The following SLC7A8 variants were observed in gnomAD, a reference collection of about 807,000 sequenced individuals.
SLC7A8 encodes the protein solute carrier family 7 member 8.
SLC7A8 carries 30 observed loss-of-function variants against 51.2 expected under a neutral mutation model. The ratio of observed to expected loss-of-function variants is 0.59; its 90% CI spans 0.44 to 0.80. SLC7A8 has a LOEUF of 0.80. SLC7A8 is among the 30% of genes least tolerant of loss of function. The pLI, the probability that SLC7A8 is intolerant of heterozygous loss-of-function variation, is 0.00. For missense variants in SLC7A8, 612 were observed against 674.4 expected (o/e 0.91, Z 1.03); for synonymous variants, 257 against 275.8 (o/e 0.93, Z 0.67).
intron 3 of SLC7A8, among the ~76,000 whole-genome samples, chr14:23,156,718 G>A (rs1267875593): frequency 6.6e-6 from 1 of 152,208 alleles, no homozygotes; most frequent in African/African-American, 2.4e-5. Context: ...CACACCTGGT[G>A]GAAGCTGAAC....
rs937728799 is a variant in SLC7A8, at chr14:23,126,788, A to G, written c.*389T>C. ...AATTGCTTGAGCCTGTCCCCCCACAATGCAGCTCCTGTGGCCTCTCCTCTC... is the reference window on the plus strand; with the variant it reads ...AATTGCTTGAGCCTGTCCCCCCACAGTGCAGCTCCTGTGGCCTCTCCTCTC... On this transcript the variant is annotated 3_prime_UTR_variant, in exon 11 of 11. Transcript: ENST00000316902. 5.4e-5 allele frequency: 14 copies of G among 257,062 alleles called. No individual in the cohort carries two copies. Among genetic ancestry groups the G allele is most frequent in the Non-Finnish European group, 1.1e-4 (14 of 130,226 alleles). 15.9% of individuals were successfully genotyped at this position (257,062 alleles called of 1,614,324 possible).
chr14:23,137,823 C>A, intron 7 of SLC7A8, 98 bp downstream of exon 7: 1 of 1,483,198 alleles, frequency 6.7e-7, no homozygotes, highest in Non-Finnish European at 9.1e-7. Context: ...CAGATGCCCA[C>A]ACAGACCCCT....
chr14:23,136,106 CT>C (rs143420749), intron 7 of SLC7A8, among the ~76,000 whole-genome samples: 10,467 of 152,192 alleles, frequency 0.069, 1,219 homozygotes, highest in African/African-American at 0.24. Flanking sequence ...TAGTCATTTA[CT>C]TTGTAATTTG....
intron 1 of SLC7A8, among the ~76,000 whole-genome samples, chr14:23,177,032 G>A (rs1439397364): frequency 6.6e-6 from 1 of 151,794 alleles, no homozygotes; most frequent in African/African-American, 2.4e-5. Context: ...TAGTGGTCTA[G>A]TAGCTAGATC....
chr14:23,149,929 G>C (rs2048831816), intron 3 of SLC7A8, among the ~76,000 whole-genome samples: 1 of 152,116 alleles, frequency 6.6e-6, no homozygotes, highest in Non-Finnish European at 1.5e-5. Context: ...GCAGCAACAG[G>C]TTACACCATG....
Position 23,128,500 on chromosome 14 carries a change from G to T in SLC7A8, c.1264-304C>A. 1.3e-6 allele frequency: 1 copy of T among 744,546 alleles called. No homozygotes were observed. Among genetic ancestry groups the T allele is most frequent in the Non-Finnish European group, 2.1e-6 (1 of 485,280 alleles). 46.1% of individuals were successfully genotyped at this position (744,546 alleles called of 1,614,324 possible). ...GACAAGGCCTCATCATGCATGCCAT[G>T]TGCCCGTGGCAGCCAGAGAAGCCCA... is the stretch of plus-strand genomic sequence containing the variant. On this transcript the variant is annotated intron_variant, in intron 9 of 10. Transcript: ENST00000316902. This position sits in a 1 kb window ranked among gnomAD's most constrained non-coding sequence, Gnocchi z 4.3.
At chr14:23,134,558 T>C (rs1465752801) in intron 7 of SLC7A8, among the ~76,000 whole-genome samples, 3 of 151,962 alleles carry the variant, frequency 2.0e-5, no homozygotes, top group African/African-American at 7.3e-5. Flanking sequence ...ATTAAACTTT[T>C]TATTTTTCCA....
Position 23,134,550 on chromosome 14 carries a change from T to C in SLC7A8, c.1017-2993A>G, listed in dbSNP as rs148405518. ...ATAAAGATTTTTTAACTTAAAAAAT[T>C]AAACTTTTTATTTTTCCAATTTTTA... On this transcript the variant is annotated intron_variant, in intron 7 of 10. Transcript: ENST00000316902. Among the ~76,000 whole-genome samples the C allele has an allele frequency of 1.0e-3, 158 of 151,742 alleles. 2 individuals carry two copies. The highest frequency in any genetic ancestry group is 3.4e-3 in the African/African-American group (140 of 41,384).
intron 5 of SLC7A8, among the ~76,000 whole-genome samples, chr14:23,140,152 G>C (rs1282087442): frequency 6.6e-6 from 1 of 152,116 alleles, no homozygotes; most frequent in African/African-American, 2.4e-5. Context: ...ACCAAGACCG[G>C]CCTGTCCTGA....
chr14:23,132,114 C>G (rs2048641861), intron 7 of SLC7A8, among the ~76,000 whole-genome samples: 1 of 147,104 alleles, frequency 6.8e-6, no homozygotes. Flanking sequence ...AAGCAATTCT[C>G]TGCCTCAGCC....
intron 3 of SLC7A8, chr14:23,155,063 C>G: frequency 1.1e-6 from 1 of 911,946 alleles, no homozygotes. Context: ...ATCCCAGCTT[C>G]TATAAAGTGC....
intron 3 of SLC7A8, among the ~76,000 whole-genome samples, chr14:23,163,357 C>T (rs1232469246): frequency 1.3e-5 from 2 of 152,192 alleles, no homozygotes; most frequent in Admixed American, 6.5e-5. Flanking sequence ...GAGATGCAGG[C>T]GCAGGCAGCC....
At chr14:23,155,670 G>T (rs550815784) in intron 3 of SLC7A8, among the ~76,000 whole-genome samples, 117 of 152,068 alleles carry the variant, frequency 7.7e-4, no homozygotes, top group Admixed American at 1.3e-3. Context: ...TTCAGCCTGG[G>T]CCTGAAAAAT....
At chr14:23,154,998 C>CAAAAA (rs33973055) in intron 3 of SLC7A8, among the ~76,000 whole-genome samples, 312 of 88,568 alleles carry the variant, frequency 3.5e-3, no homozygotes, top group East Asian at 8.3e-3. Flanking sequence ...ACACAACAGA[C>CAAAAA]AAAAAAAAAA....
intron 1 of SLC7A8, among the ~76,000 whole-genome samples, chr14:23,173,790 GCCACC>G (rs1308477776): frequency 2.0e-5 from 3 of 151,426 alleles, no homozygotes; most frequent in Non-Finnish European, 4.4e-5. Context: ...ACAGGCGTGT[GCCACC>G]CCACCCGACT....
At chr14:23,177,763 T>C (rs1293023131) in intron 1 of SLC7A8, among the ~76,000 whole-genome samples, 1 of 152,162 alleles carries the variant, frequency 6.6e-6, no homozygotes, top group Non-Finnish European at 1.5e-5. Flanking sequence ...CTCACCCAAG[T>C]CTTCCTGCAA....
chr14:23,173,867 C>T (rs2048987018), intron 1 of SLC7A8, among the ~76,000 whole-genome samples: 1 of 152,152 alleles, frequency 6.6e-6, no homozygotes, highest in Admixed American at 6.5e-5. Context: ...TCTTGAACTC[C>T]TGGATCCAAG....
chr14:23,146,135 C>A (rs928940640), intron 3 of SLC7A8, among the ~76,000 whole-genome samples: 29 of 152,140 alleles, frequency 1.9e-4, no homozygotes, highest in African/African-American at 6.3e-4. Context: ...CGCCCCTTCA[C>A]CCAGGAATTC....
intron 3 of SLC7A8, among the ~76,000 whole-genome samples, chr14:23,161,739 C>G (rs1382841559): frequency 6.6e-6 from 1 of 152,042 alleles, no homozygotes; most frequent in East Asian, 1.9e-4. Context: ...ACCAGTCTGA[C>G]CAACTTGGGG....
Sources: gnomAD v4.1 joint callset for allele counts (sites outside exome capture counted in the v4.1 genomes callset) on GRCh38, gnomAD v4.1.1 for gene constraint, Gnocchi (gnomAD v3.1) non-coding constraint, MANE v1.5 for transcripts, NCBI Gene and HGNC (gene_info 2026-07-23, HGNC 2026-07-21) for gene names.